Variants in CRACDL observed in about 807,000 individuals in gnomAD.
The protein encoded by CRACDL is CRACD like.
In CRACDL, 26 loss-of-function variants were observed where a neutral mutation model predicts 70.6. The ratio of observed to expected loss-of-function variants is 0.37; its 90% confidence interval spans 0.27 to 0.51. The LOEUF (loss-of-function observed/expected upper bound fraction) is 0.51, where lower values mean the gene tolerates loss of function less well. Ranked by LOEUF, CRACDL falls within the 20% of genes least tolerant of loss-of-function variation. The pLI is 0.94. For missense variants in CRACDL, 1,283 were observed against 1,376.9 expected (o/e 0.93, Z 1.08); for synonymous variants, 618 against 615.2 (o/e 1.00, Z -0.07).
intron 1 of CRACDL, among the ~76,000 whole-genome samples, chr2:98,887,722 C>T (rs544831964): frequency 1.3e-3 from 201 of 152,148 alleles, no homozygotes; most frequent in Non-Finnish European, 2.6e-3. Context: ...ATCAAACAGT[C>T]AAGCCCAAAG....
chr2:98,795,322 C>T (rs764707787), intron 9 of CRACDL, among the ~76,000 whole-genome samples: 3 of 151,636 alleles, frequency 2.0e-5, no homozygotes, highest in African/African-American at 7.3e-5. Context: ...GTGATCTGCC[C>T]GACTCGGCCT....
chr2:98,845,997 A>C (rs544076580), intron 2 of CRACDL, among the ~76,000 whole-genome samples: 1 of 152,346 alleles, frequency 6.6e-6, no homozygotes, highest in South Asian at 2.1e-4. Flanking sequence ...CTCCTGAACT[A>C]TATCAAAGAA....
At chr2:98,858,376 G>A (rs1328335393) in intron 1 of CRACDL, among the ~76,000 whole-genome samples, 3 of 151,884 alleles carry the variant, frequency 2.0e-5, no homozygotes, top group African/African-American at 7.3e-5. Flanking sequence ...TTAGCTGGGT[G>A]TGGTGGCCCA....
At chr2:98,893,077 C>A (rs1273873202) in intron 1 of CRACDL, among the ~76,000 whole-genome samples, 4 of 152,196 alleles carry the variant, frequency 2.6e-5, no homozygotes, top group South Asian at 2.1e-4. Flanking sequence ...AAAGGCCCTT[C>A]CCAGGTGCCC....
chr2:98,803,672 C>T (rs1559200886), intron 7 of CRACDL, among the ~76,000 whole-genome samples: 1 of 152,230 alleles, frequency 6.6e-6, no homozygotes, highest in East Asian at 1.9e-4. Flanking sequence ...ACAGCTCATT[C>T]CCAGGTCTTC....
intron 1 of CRACDL, among the ~76,000 whole-genome samples, chr2:98,915,551 A>G (rs899667898): frequency 6.6e-6 from 1 of 152,132 alleles, no homozygotes; most frequent in Non-Finnish European, 1.5e-5. Context: ...AGTCACCTAG[A>G]TCACAGAGGG....
chr2:98,878,580 T>C (rs1041989216), intron 1 of CRACDL, among the ~76,000 whole-genome samples: 1 of 152,220 alleles, frequency 6.6e-6, no homozygotes, highest in Non-Finnish European at 1.5e-5. Context: ...CATGACTGTA[T>C]TTTACTTTTG....
At position 98,825,601 on chromosome 2, in the gene CRACDL, A is replaced by G. The variant is rs535972964; in HGVS notation, c.735+1374T>C. Among the ~76,000 whole-genome samples the G allele has an allele frequency of 7.9e-5, 12 of 152,334 alleles. No homozygotes were observed. In the East Asian group the frequency reaches 2.3e-3, roughly 29 times the overall value. On this transcript the variant is annotated intron_variant, in intron 6 of 9. Transcript: ENST00000397899. ...TTCATAAATCACAGACTTGAGGGCC[A>G]GAAGGGAGCAGGCCCTGGCCCTGTA...
At chr2:98,844,081 T>C (rs1380962395) in intron 2 of CRACDL, among the ~76,000 whole-genome samples, 3 of 152,206 alleles carry the variant, frequency 2.0e-5, no homozygotes, top group Non-Finnish European at 4.4e-5. Flanking sequence ...TCAGTATTCT[T>C]GCTACAGAAT....
In CRACDL at chr2:98,821,874, G is replaced by C. The variant is rs375049911; in HGVS notation, c.2399C>G (p.Pro800Arg). The change falls in exon 7 of 10, where the codon CCG becomes CGG. Residue 800 changes from proline (P) to arginine (R), a missense_variant. Transcript: ENST00000397899. ...GCTCTTACCAGCTCCCCTGCGCAGCGGCCTTTTCTCCGCCGTCCTGGGCTC... is the reference window on the plus strand; with the variant it reads ...GCTCTTACCAGCTCCCCTGCGCAGCCGCCTTTTCTCCGCCGTCCTGGGCTC... ...RKEPRTAEKR[P>R]LRRGAEKSLP... is the part of the protein sequence containing the mutation. 6.2e-7 allele frequency: 1 copy of C among 1,606,990 alleles called. No individual in the cohort carries two copies. The highest frequency in any genetic ancestry group is 1.1e-5 in the South Asian group (1 of 90,544).
At chr2:98,830,350 T>G (rs1705489782) in intron 5 of CRACDL, among the ~76,000 whole-genome samples, 1 of 152,226 alleles carries the variant, frequency 6.6e-6, no homozygotes, top group Non-Finnish European at 1.5e-5. Context: ...TCTTAAAGTT[T>G]TCTGTCTATG....
intron 1 of CRACDL, among the ~76,000 whole-genome samples, chr2:98,868,223 G>A (rs1359672705): frequency 3.9e-5 from 6 of 152,216 alleles, no homozygotes; most frequent in Admixed American, 6.5e-5. Flanking sequence ...AGGCTTTGAG[G>A]ATGGACTGTC....
rs758442092 is a variant in CRACDL at position 98,823,437 on chromosome 2, C to T, written c.836G>A (p.Ser279Asn). The change falls in exon 7 of 10, where the codon AGC becomes AAC. Residue 279 changes from serine to asparagine, a missense_variant. Physicochemically the swap from Ser to Asn is conservative, Grantham distance 46. This residue lies in a region of CRACDL where 362 missense variants were observed against 495.0 expected (regional missense o/e 0.73). Coordinates refer to ENST00000397899, the MANE Select transcript of CRACDL (RefSeq NM_207362.3). The surrounding 1 kb of genome is among the most constrained non-coding windows in gnomAD (Gnocchi z 4.0). ...TGGCGCCACGTCCTGCTGCCCAGAGCTGGGGCGCTCTTCTGGGCTGACTTC... is the reference window on the plus strand; with the variant it reads ...TGGCGCCACGTCCTGCTGCCCAGAGTTGGGGCGCTCTTCTGGGCTGACTTC... Reference protein sequence around the residue: ...LLEVSPEERPSSGQQDVAPDR... With the variant: ...LLEVSPEERPNSGQQDVAPDR... 6.3e-7 allele frequency: 1 copy of T among 1,584,944 alleles called. No homozygotes were observed. Among genetic ancestry groups the T allele is most frequent in the South Asian group, 1.1e-5 (1 of 88,434 alleles).
chr2:98,891,376 CAAAAAAAAAA>C lies in CRACDL; in HGVS notation c.-11+44552_-11+44561del, dbSNP rs548988640. On this transcript the variant is annotated intron_variant, in intron 1 of 9. Transcript: ENST00000397899. ...TGGGTGACAGAGGGAGACTCCGTCT[CAAAAAAAAAA>C]AAAAAAAAAAAAAAAAAAATCCAAA... Among the ~76,000 whole-genome samples, 55 of 37,904 alleles carry C rather than the reference CAAAAAAAAAA, an allele frequency of 1.5e-3. 1 individual carries two copies. Among genetic ancestry groups the C allele is most frequent in the African/African-American group, 2.4e-3 (22 of 9,234 alleles). 24.9% of individuals were successfully genotyped at this position (37,904 alleles called of 152,430 possible).
chr2:98,828,716 GA>G (rs1403388248), intron 5 of CRACDL, among the ~76,000 whole-genome samples: 4 of 152,222 alleles, frequency 2.6e-5, no homozygotes, highest in Non-Finnish European at 5.9e-5. Context: ...TAAAATGGGG[GA>G]AAGGGGGCTA....
At chr2:98,809,974 G>GGGTT (rs1173289014) in intron 7 of CRACDL, among the ~76,000 whole-genome samples, 24 of 151,036 alleles carry the variant, frequency 1.6e-4, no homozygotes, top group Admixed American at 1.5e-3. Context: ...CCCCTAAGAG[G>GGGTT]TGCTCCTCAG....
chr2:98,854,063 C>T (rs1011010777), intron 1 of CRACDL, among the ~76,000 whole-genome samples: 1 of 151,966 alleles, frequency 6.6e-6, no homozygotes, highest in African/African-American at 2.4e-5. Flanking sequence ...GTGGGTGGAT[C>T]ACGAGGTCAG....
intron 7 of CRACDL, among the ~76,000 whole-genome samples, chr2:98,802,488 C>T (rs922584730): frequency 6.6e-6 from 1 of 150,978 alleles, no homozygotes. Flanking sequence ...TATTTGTATT[C>T]GGGAAGATCT....
chr2:98,881,383 C>A (rs1003616525), intron 1 of CRACDL, among the ~76,000 whole-genome samples: 3 of 152,204 alleles, frequency 2.0e-5, no homozygotes, highest in African/African-American at 7.2e-5. Context: ...CAGGTGGTTC[C>A]TCTGCACATT....
Sources: allele counts gnomAD v4.1 joint callset (sites outside exome capture counted in the v4.1 genomes callset), GRCh38; gene constraint gnomAD v4.1.1; regional missense constraint gnomAD v4.1.1; non-coding constraint Gnocchi (gnomAD v3.1); transcripts MANE v1.5; gene names NCBI Gene and HGNC (gene_info 2026-07-23, HGNC 2026-07-21).